Variants in SIRPG observed in about 807,000 individuals in gnomAD.
SIRPG encodes signal-regulatory protein gamma.
Under a neutral mutation model 35.7 loss-of-function variants are expected in SIRPG, and 38 were observed. The observed-to-expected ratio is 1.06, with a 90% CI of 0.82 to 1.40. The LOEUF is 1.40. SIRPG is among the 40% of genes most tolerant of loss of function. The pLI is 0.00. For synonymous variants in SIRPG, 215 were observed against 190.4 expected, an observed-to-expected ratio of 1.13 and a Z score of -1.06; for missense variants, 519 against 483.0, an observed-to-expected ratio of 1.07 and a Z score of -0.70.
At chr20:1,645,739 G>A (rs973189792) in intron 2 of SIRPG, among the ~76,000 whole-genome samples, 1 of 152,180 alleles carries the variant, frequency 6.6e-6, no homozygotes, top group Non-Finnish European at 1.5e-5. Context: ...GCTGGGAAGT[G>A]GCCCAGGCAG....
chr20:1,635,666 C>A, intron 3 of SIRPG, 67 bp from the exon 4 acceptor site: 3 of 1,524,228 alleles, frequency 2.0e-6, no homozygotes, highest in Non-Finnish European at 2.7e-6. Flanking sequence ...GGCTCCATAA[C>A]TTAACTCCCA....
In SIRPG at chr20:1,635,417, TCCAGTTGTAGGTA is replaced by T. The variant is rs1202945392; in HGVS notation, c.918_930del (p.Thr307GlnfsTer6). 1 of 1,614,128 alleles carries T rather than the reference TCCAGTTGTAGGTA, an allele frequency of 6.2e-7. No individual in the cohort carries two copies. Among genetic ancestry groups the T allele is most frequent in the Non-Finnish European group, 8.5e-7 (1 of 1,180,006 alleles). ...GATATGTTCACCAGGAACCAGCTTG[TCCAGTTGTAGGTA>T]CCATCCTTGTTCTCTGTAAGGGTCG... On this transcript the variant is annotated frameshift_variant, in exon 4 of 6. Coordinates refer to ENST00000303415, the MANE Select transcript of SIRPG (RefSeq NM_018556.4). LOFTEE classifies it high-confidence loss of function.
the SIRPG span, among the ~76,000 whole-genome samples, chr20:1,674,595 T>G: frequency 6.6e-6 from 1 of 152,206 alleles, no homozygotes. Context: ...ACCACTGTTC[T>G]GCGGAAGCTC....
At chr20:1,637,421 T>G (rs1421568337) in intron 2 of SIRPG, 2 of 168,428 alleles carry the variant, frequency 1.2e-5, no homozygotes, top group Non-Finnish European at 2.9e-5. Flanking sequence ...GAGTTTGCAG[T>G]TTAGCATTTC....
chr20:1,682,154 TG>T, the SIRPG span, among the ~76,000 whole-genome samples: 1 of 152,134 alleles, frequency 6.6e-6, no homozygotes, highest in Admixed American at 6.6e-5. Flanking sequence ...CTTAACAGAT[TG>T]GGGGACTTTG....
At chr20:1,644,076 G>A (rs1345529276) in intron 2 of SIRPG, among the ~76,000 whole-genome samples, 3 of 152,216 alleles carry the variant, frequency 2.0e-5, no homozygotes, top group East Asian at 1.9e-4. Context: ...CCCATTTAAC[G>A]AAGCACTTTG....
chr20:1,644,581 C>G (rs900200883), intron 2 of SIRPG, among the ~76,000 whole-genome samples: 1 of 151,398 alleles, frequency 6.6e-6, no homozygotes, highest in African/African-American at 2.4e-5. Context: ...GTGATCCTGG[C>G]CACCCCTTCC....
At chr20:1,665,129 G>C in the SIRPG span, among the ~76,000 whole-genome samples, 1 of 152,190 alleles carries the variant, frequency 6.6e-6, no homozygotes, top group Non-Finnish European at 1.5e-5. Flanking sequence ...CTCTTAGAGG[G>C]TTTCCTGAGA....
At position 1,636,522 on chromosome 20, in the gene SIRPG, G is replaced by T; in HGVS notation, c.431-17C>A. Reference sequence around the variant, plus strand: ...AGGGTTTGGCTACAAAAGGGGCATCGATAAACAGGAGACATGACTGAGATG... The same window carrying T: ...AGGGTTTGGCTACAAAAGGGGCATCTATAAACAGGAGACATGACTGAGATG... On this transcript the variant is annotated splice_polypyrimidine_tract_variant and intron_variant, in intron 2 of 5. Coordinates refer to ENST00000303415, the MANE Select transcript of SIRPG (RefSeq NM_018556.4). 6.2e-7 allele frequency: 1 copy of T among 1,613,172 alleles called. No homozygotes were observed. The highest frequency in any genetic ancestry group is 8.5e-7 in the Non-Finnish European group (1 of 1,179,182).
At chr20:1,666,868 A>G in the SIRPG span, among the ~76,000 whole-genome samples, 1 of 152,134 alleles carries the variant, frequency 6.6e-6, no homozygotes, top group African/African-American at 2.4e-5. Context: ...AATATTTTAT[A>G]TCATACATTT....
intron 4 of SIRPG, among the ~76,000 whole-genome samples, chr20:1,631,042 T>G (rs2091745764): frequency 6.6e-6 from 1 of 151,824 alleles, no homozygotes; most frequent in Admixed American, 6.6e-5. Context: ...GAAATCTTTC[T>G]GTTAGTTGGG....
the SIRPG span, among the ~76,000 whole-genome samples, chr20:1,667,011 A>G: frequency 0.012 from 1,870 of 152,104 alleles, 18 homozygotes; most frequent in South Asian, 0.021. Context: ...TCCCGAGCTC[A>G]AGTGATACTC....
chr20:1,652,795 T>C (rs1297210435), intron 1 of SIRPG, among the ~76,000 whole-genome samples: 1 of 152,246 alleles, frequency 6.6e-6, no homozygotes, highest in Non-Finnish European at 1.5e-5. Context: ...ATCATGTGTA[T>C]TGATTACTGT....
At chr20:1,638,826 T>G (rs2091826340) in intron 2 of SIRPG, among the ~76,000 whole-genome samples, 1 of 142,044 alleles carries the variant, frequency 7.0e-6, no homozygotes, top group African/African-American at 2.6e-5. Flanking sequence ...TGCGTCCATG[T>G]GTTCACATTG....
the SIRPG span, chr20:1,670,993 C>T: frequency 2.7e-6 from 1 of 367,174 alleles, no homozygotes; most frequent in South Asian, 2.4e-5. Context: ...CAGCACCATC[C>T]TGGCTGTGCT....
chr20:1,656,343 G>C (rs1482599470), intron 1 of SIRPG, among the ~76,000 whole-genome samples: 1 of 152,188 alleles, frequency 6.6e-6, no homozygotes, highest in Admixed American at 6.5e-5. Flanking sequence ...GAGCACAAGA[G>C]TTATAGCTTC....
intron 3 of SIRPG, 105 bp from the exon 4 acceptor site, chr20:1,635,704 A>G: frequency 8.4e-7 from 1 of 1,186,282 alleles, no homozygotes; most frequent in Middle Eastern, 2.9e-4. Flanking sequence ...TCACCAGGAC[A>G]GTGCTAGGCA....
chr20:1,672,396 G>A, the SIRPG span, among the ~76,000 whole-genome samples: 28 of 152,080 alleles, frequency 1.8e-4, no homozygotes, highest in African/African-American at 3.6e-4. Context: ...AAGCTTTAAC[G>A]AAGAGCCGAG....
chr20:1,643,861 C>T (rs1261279115), intron 2 of SIRPG, among the ~76,000 whole-genome samples: 10 of 152,138 alleles, frequency 6.6e-5, no homozygotes, highest in Non-Finnish European at 1.5e-4. Context: ...GGGTTCACTT[C>T]GGGCCTTTTC....
Sources: gnomAD v4.1 joint callset for allele counts (sites outside exome capture counted in the v4.1 genomes callset) on GRCh38, gnomAD v4.1.1 for gene constraint, MANE v1.5 for transcripts, NCBI Gene and HGNC (gene_info 2026-07-23, HGNC 2026-07-21) for gene names.